NRBP1: variants seen among roughly 807,000 people sequenced by gnomAD.
NRBP1 encodes the protein nuclear receptor-binding protein.
NRBP1 carries 10 observed loss-of-function variants against 76.0 expected under a neutral mutation model. The observed-to-expected ratio is 0.13, with a 90% CI of 0.08 to 0.22. The LOEUF (loss-of-function observed/expected upper bound fraction) is 0.22, where lower values mean the gene tolerates loss of function less well. Ranked by LOEUF, NRBP1 falls within the 10% of genes least tolerant of loss-of-function variation. The pLI, the probability that NRBP1 is intolerant of heterozygous loss-of-function variation, is 1.00. For synonymous variants in NRBP1, 235 were observed against 240.2 expected, an observed-to-expected ratio of 0.98 and a Z score of 0.20; for missense variants, 344 against 646.0, an observed-to-expected ratio of 0.53 and a Z score of 5.07.
intron 8 of NRBP1, 70 bp downstream of exon 8, chr2:27,436,906 A>G: frequency 6.7e-7 from 1 of 1,488,440 alleles, no homozygotes; most frequent in Non-Finnish European, 9.3e-7. Flanking sequence ...TGAGGTACAG[A>G]GGCAATATAA....
intron 1 of NRBP1, chr2:27,429,097 T>A (rs1213011451): frequency 6.2e-6 from 1 of 160,690 alleles, no homozygotes; most frequent in Admixed American, 6.5e-5. Context: ...CTCGGCGGCC[T>A]GGCCTGGCCT....
At chr2:27,431,152 T>C (rs985236910) in intron 1 of NRBP1, among the ~76,000 whole-genome samples, 4 of 151,638 alleles carry the variant, frequency 2.6e-5, no homozygotes, top group Non-Finnish European at 5.9e-5. Context: ...TACAAAAAAT[T>C]AGCTGGGTGT....
At chr2:27,437,698 T>C (rs577289564) in intron 10 of NRBP1, among the ~76,000 whole-genome samples, 82 of 151,604 alleles carry the variant, frequency 5.4e-4, no homozygotes, top group East Asian at 7.8e-4. Flanking sequence ...GGTGAAACCC[T>C]GTCTCTACTA....
At position 27,440,661 on chromosome 2, in the gene NRBP1, G is replaced by C; in HGVS notation, c.1152G>C (p.Gln384His). Residue 384 changes from glutamine to histidine, a missense_variant, in exon 13 of 18, where the codon CAG becomes CAC. Coordinates refer to ENST00000379852, the MANE Select transcript of NRBP1 (RefSeq NM_013392.4). The stretch of plus-strand genomic sequence containing the variant: ...CTCTTTTCTCGTCCAGGTACTCTCA[G>C]TCACCAGCTCTGGAATTAGATAAAT... ...GREPVQTLYS[Q>H]SPALELDKFL... The C allele has an allele frequency of 6.2e-7, 1 of 1,614,198 alleles. No homozygotes were observed. Among genetic ancestry groups the C allele is most frequent in the Non-Finnish European group, 8.5e-7 (1 of 1,180,046 alleles).
chr2:27,428,376 A>G, upstream of NRBP1: 1 of 340,850 alleles, frequency 2.9e-6, no homozygotes, highest in Non-Finnish European at 5.3e-6. Flanking sequence ...TGCGTCCAGC[A>G]GAACCATCTG....
rs1017109301 is a variant in NRBP1 at position 27,441,493 on chromosome 2, C to G, written c.1448-74C>G. 23 of 1,534,270 alleles carry G rather than the reference C, an allele frequency of 1.5e-5. No homozygotes were observed. The Admixed American group carries it at 2.2e-4, about 14-fold the overall frequency. ...GGTGGATCTGACTGACAGTTTAGCC[C>G]TAGTGGGGCTGTCTGAAGGGCCCCA... On this transcript the variant is annotated intron_variant, in intron 16 of 17. Coordinates refer to ENST00000379852, the MANE Select transcript of NRBP1 (RefSeq NM_013392.4).
chr2:27,434,686 A>G (rs752985801), intron 5 of NRBP1, 36 bp from the exon 6 acceptor site: 13 of 1,613,234 alleles, frequency 8.1e-6, no homozygotes, highest in Non-Finnish European at 1.1e-5. Flanking sequence ...TAAGAGAGGG[A>G]ATTACTGCTG....
chr2:27,433,191 T>G, intron 1 of NRBP1, 63 bp from the exon 2 acceptor site: 1 of 1,234,048 alleles, frequency 8.1e-7, no homozygotes, highest in Non-Finnish European at 1.2e-6. Context: ...GATTACTAAA[T>G]CTTTACAGAT....
chr2:27,436,931 C>A, intron 8 of NRBP1, 95 bp downstream of exon 8: 2 of 1,437,732 alleles, frequency 1.4e-6, no homozygotes, highest in Non-Finnish European at 1.9e-6. Flanking sequence ...AACTTCTAGG[C>A]CTTCTCTACC....
intron 11 of NRBP1, 94 bp downstream of exon 11, chr2:27,439,992 ATTC>A: frequency 2.1e-5 from 5 of 234,428 alleles, no homozygotes; most frequent in South Asian, 5.3e-5. Context: ...TTCCAAAGGG[ATTC>A]TTTTTTTTTT....
In NRBP1 at chr2:27,441,940, TG is replaced by T. The variant is rs910710967; in HGVS notation, c.*135del. 1.8e-5 allele frequency: 12 copies of T among 660,592 alleles called. No homozygotes were observed. Among genetic ancestry groups the T allele is most frequent in the Admixed American group, 2.6e-5 (1 of 38,680 alleles). The allele number at this position is 660,592 out of a possible 1,614,324, so 40.9% of individuals were successfully genotyped here. A position where few individuals can be genotyped will look rare whatever the true frequency, so the allele number is the denominator to read the frequency against. On this transcript the variant is annotated 3_prime_UTR_variant, in exon 18 of 18. Transcript: ENST00000379852. The stretch of plus-strand genomic sequence containing the variant: ...TCCCTCCTTTATTATTCAGGAGGGC[TG>T]GGGGGGCTCCCTGGTTCTGAGCATC...
At chr2:27,429,111 C>A (rs926070665) in intron 1 of NRBP1, 3 of 157,084 alleles carry the variant, frequency 1.9e-5, no homozygotes, top group East Asian at 3.7e-4. Context: ...CTGGCCTGCT[C>A]GCGGGGAGGT....
intron 10 of NRBP1, among the ~76,000 whole-genome samples, 167 bp from the exon 11 acceptor site, chr2:27,439,599 C>G (rs773657285): frequency 6.6e-6 from 1 of 150,714 alleles, no homozygotes; most frequent in South Asian, 2.1e-4. Flanking sequence ...TAATATCTTA[C>G]AGTTTTTGAA....
At chr2:27,433,853 G>A in intron 3 of NRBP1, 58 bp downstream of exon 3, 3 of 1,612,848 alleles carry the variant, frequency 1.9e-6, no homozygotes, top group Non-Finnish European at 2.5e-6. Flanking sequence ...TGTTAGAGAG[G>A]AATTGGTGTT....
chr2:27,435,481 G>A, intron 7 of NRBP1: 1 of 606,738 alleles, frequency 1.6e-6, no homozygotes, highest in East Asian at 2.7e-5. Context: ...CTGGGAAAGG[G>A]CAAGAGATAG....
Position 27,440,874 on chromosome 2 carries a change from A to G in NRBP1, c.1263A>G (p.Thr421=), listed in dbSNP as rs759729356. The G allele has an allele frequency of 7.4e-6, 12 of 1,614,098 alleles. No individual in the cohort carries two copies. Among genetic ancestry groups the G allele is most frequent in the East Asian group, 2.2e-5 (1 of 44,866 alleles). The change falls in exon 14 of 18, where the codon ACA becomes ACG. Residue 421 remains threonine (T), a synonymous_variant. Transcript: ENST00000379852. ...RPQQPQQEEV[T]SPVVPPSVKT... is the part of the protein sequence containing the mutation. Reference sequence around the variant, plus strand: ...AGCAGCCACAGCAGGAGGAGGTGACATCACCTGTCGTGCCCCCCTCTGTCA... The same window carrying G: ...AGCAGCCACAGCAGGAGGAGGTGACGTCACCTGTCGTGCCCCCCTCTGTCA...
chr2:27,433,564 C>G, intron 2 of NRBP1, 81 bp downstream of exon 2: 1 of 1,601,004 alleles, frequency 6.2e-7, no homozygotes, highest in South Asian at 1.1e-5. Context: ...TAAAAGAGGC[C>G]AACCAAACTT....
intron 1 of NRBP1, among the ~76,000 whole-genome samples, chr2:27,429,731 G>C (rs573610429): frequency 1.3e-5 from 2 of 152,070 alleles, no homozygotes; most frequent in Admixed American, 6.5e-5. Flanking sequence ...TTAGGAAGGT[G>C]GGGGGGATAA....
chr2:27,427,849 G>C (rs910940668), upstream of NRBP1: 4 of 152,116 alleles, frequency 2.6e-5, no homozygotes, highest in African/African-American at 9.7e-5. Flanking sequence ...CTTAGTTTTC[G>C]CAGATTAATA....
Sources: gnomAD v4.1 joint callset for allele counts (sites outside exome capture counted in the v4.1 genomes callset) on GRCh38, gnomAD v4.1.1 for gene constraint, MANE v1.5 for transcripts, NCBI Gene and HGNC (gene_info 2026-07-23, HGNC 2026-07-21) for gene names.